The following OR6P1 variants were observed in gnomAD, a reference collection of about 807,000 sequenced individuals.
The protein encoded by OR6P1 is olfactory receptor family 6 subfamily P member 1.
A neutral mutation model predicts 6.6 loss-of-function variants in OR6P1; 5 were observed. The ratio of observed to expected loss-of-function variants is 0.76; its 90% CI spans 0.40 to 1.60. OR6P1 has a LOEUF of 1.60. Ranked by LOEUF, OR6P1 falls within the 40% of genes most tolerant of loss-of-function variation. OR6P1 has a pLI of 0.02. For synonymous variants in OR6P1, 177 were observed against 149.6 expected, an observed-to-expected ratio of 1.18 and a Z score of -1.33; for missense variants, 451 against 383.0, an observed-to-expected ratio of 1.18 and a Z score of -1.48.
intron 2 of OR6P1, among the ~76,000 whole-genome samples, chr1:158,566,142 TA>T (rs980679926): frequency 6.6e-6 from 1 of 152,114 alleles, no homozygotes; most frequent in African/African-American, 2.4e-5. Context: ...AAAAAAAAAT[TA>T]AAGAGAAGTG....
intron 1 of OR6P1, among the ~76,000 whole-genome samples, chr1:158,567,655 A>AG (rs977812173): frequency 1.2e-5 from 1 of 86,066 alleles, no homozygotes. Context: ...GGGTTGGGGG[A>AG]GGGGGGAGGG....
At position 158,563,274 on chromosome 1, in the gene OR6P1, C is replaced by T; in HGVS notation, c.331G>A (p.Glu111Lys). 6.4e-7 allele frequency: 1 copy of T among 1,551,582 alleles called. No individual in the cohort carries two copies. The highest frequency in any genetic ancestry group is 8.7e-7 in the Non-Finnish European group (1 of 1,146,994). Residue 111 changes from glutamate (E) to lysine (K), a missense_variant, in exon 3 of 3, where the codon GAA (glutamate) becomes AAA (lysine). By Grantham distance (56) the Glu-to-Lys change is moderately conservative. Coordinates refer to ENST00000641540, the MANE Select transcript of OR6P1 (RefSeq NM_001160325.2). ...GCCATAACTGCCAACAGCACACATT[C>T]AGTACAGGCTAAGGCAATAAAGAAG... is the stretch of plus-strand genomic sequence containing the variant. ...LYFFIALACTECVLLAVMAYD... is the reference protein window; with the variant it reads ...LYFFIALACTKCVLLAVMAYD...
Position 158,562,648 on chromosome 1 carries a change from A to G in OR6P1, c.*3T>C. On this transcript the variant is annotated 3_prime_UTR_variant, in exon 3 of 3. Transcript: ENST00000641540. ...TTTCACCTCTCCCAAGACCTGTTGT[A>G]TATCAGTCCTGAACATCCCTAGGAT... 1.3e-6 allele frequency: 2 copies of G among 1,524,628 alleles called. No homozygotes were observed. Among genetic ancestry groups the G allele is most frequent in the South Asian group, 2.4e-5 (2 of 83,536 alleles). 94.4% of individuals were successfully genotyped at this position (1,524,628 alleles called of 1,614,324 possible). A position where few individuals can be genotyped will look rare whatever the true frequency, so the allele number is the denominator to read the frequency against.
Position 158,560,991 on chromosome 1 carries a change from A to T in OR6P1, c.*1660T>A, listed in dbSNP as rs1317241285. ...TCTAGAGAACCAGAACTAGAAATTA[A>T]TCCAAGATCAAATTTATCCAAAAGG... On this transcript the variant is annotated 3_prime_UTR_variant, in exon 3 of 3. Coordinates refer to ENST00000641540, the MANE Select transcript of OR6P1 (RefSeq NM_001160325.2). The T allele has an allele frequency of 6.6e-6, 1 of 152,206 alleles. No homozygotes were observed. The highest frequency in any genetic ancestry group is 6.5e-5 in the Admixed American group (1 of 15,286). The allele number at this position is 152,206 out of a possible 1,614,324, so 9.4% of individuals were successfully genotyped here. A position where few individuals can be genotyped will look rare whatever the true frequency, so the allele number is the denominator to read the frequency against.
chr1:158,569,213 G>C (rs921495493), intron 1 of OR6P1, among the ~76,000 whole-genome samples: 7 of 152,162 alleles, frequency 4.6e-5, no homozygotes, highest in Non-Finnish European at 1.0e-4. Flanking sequence ...GCACATTGGT[G>C]ATACCATAGC....
chr1:158,563,726 TATTA>T, intron 2 of OR6P1, 100 bp from the exon 3 acceptor site: 1 of 615,598 alleles, frequency 1.6e-6, no homozygotes, highest in Non-Finnish European at 2.8e-6. Context: ...CTTAGTGGCA[TATTA>T]ATTATTATAA....
chr1:158,566,344 G>A (rs1311620060), intron 2 of OR6P1, among the ~76,000 whole-genome samples: 1 of 152,184 alleles, frequency 6.6e-6, no homozygotes. Context: ...ATACTTTTCG[G>A]AGTGAGAGTT....
chr1:158,563,242 A>T lies in OR6P1; in HGVS notation c.363T>A (p.Asp121Glu). Residue 121 changes from aspartate (D) to glutamate (E), a missense_variant, in exon 3 of 3, where the codon GAT becomes GAA. By Grantham distance (45) the Asp-to-Glu change is conservative. Transcript: ENST00000641540. ...GGGGTCCACAGATGGCCAGGTAGCG[A>T]TCATAGGCCATAACTGCCAACAGCA... ...ECVLLAVMAY[D>E]RYLAICGPLL... is the part of the protein sequence containing the mutation. 1 of 1,551,704 alleles carries T rather than the reference A, an allele frequency of 6.4e-7. No homozygotes were observed.
At chr1:158,570,028 G>T (rs1228280372) in intron 1 of OR6P1, among the ~76,000 whole-genome samples, 1 of 152,014 alleles carries the variant, frequency 6.6e-6, no homozygotes, top group Non-Finnish European at 1.5e-5. Flanking sequence ...AATATGATAG[G>T]TATTTCTTTG....
intron 1 of OR6P1, among the ~76,000 whole-genome samples, chr1:158,568,304 T>G (rs1186600557): frequency 1.3e-5 from 2 of 152,190 alleles, no homozygotes; most frequent in Non-Finnish European, 2.9e-5. Flanking sequence ...TCTTTCTTTT[T>G]GTTTCTTACT....
Position 158,562,565 on chromosome 1 carries a change from T to C in OR6P1, c.*86A>G, listed in dbSNP as rs1353209377. 6 of 740,882 alleles carry C rather than the reference T, an allele frequency of 8.1e-6. No individual in the cohort carries two copies. The highest frequency in any genetic ancestry group is 1.4e-5 in the Non-Finnish European group (6 of 437,010). The allele number at this position is 740,882 out of a possible 1,614,324, so 45.9% of individuals were successfully genotyped here. A position where few individuals can be genotyped will look rare whatever the true frequency, so the allele number is the denominator to read the frequency against. On this transcript the variant is annotated 3_prime_UTR_variant, in exon 3 of 3. Transcript: ENST00000641540. ...AGAGAAAATGTTGGCAAATTATATTTATGTTCCCTTAAAGCCTATTCTGAT... is the reference window on the plus strand; with the variant it reads ...AGAGAAAATGTTGGCAAATTATATTCATGTTCCCTTAAAGCCTATTCTGAT...
chr1:158,570,009 T>C (rs1231708608), intron 1 of OR6P1, among the ~76,000 whole-genome samples: 1 of 152,218 alleles, frequency 6.6e-6, no homozygotes, highest in Non-Finnish European at 1.5e-5. Flanking sequence ...AATTCGTAGA[T>C]ATAGACTTAA....
At chr1:158,567,706 G>A (rs528509220) in intron 1 of OR6P1, among the ~76,000 whole-genome samples, 15 of 150,460 alleles carry the variant, frequency 1.0e-4, no homozygotes, top group African/African-American at 3.2e-4. Context: ...TGACGAGTTA[G>A]TGGGTGCAGC....
chr1:158,563,232 C>T lies in OR6P1; in HGVS notation c.373G>A (p.Ala125Thr). 1 of 1,551,546 alleles carries T rather than the reference C, an allele frequency of 6.4e-7. No homozygotes were observed. Among genetic ancestry groups the T allele is most frequent in the South Asian group, 1.2e-5 (1 of 84,024 alleles). Residue 125 changes from alanine (A) to threonine (T), a missense_variant, in exon 3 of 3, where the codon GCC becomes ACC. Physicochemically the swap from Ala to Thr is moderately conservative, Grantham distance 58. Transcript: ENST00000641540. ...GGGTAAAGGAGGGGTCCACAGATGG[C>T]CAGGTAGCGATCATAGGCCATAACT... Reference protein sequence around the residue: ...LAVMAYDRYLAICGPLLYPSL... With the variant: ...LAVMAYDRYLTICGPLLYPSL...
chr1:158,563,663 G>GAT, intron 2 of OR6P1, 37 bp from the exon 3 acceptor site: 1 of 1,116,680 alleles, frequency 9.0e-7, no homozygotes, highest in South Asian at 1.5e-5. Context: ...AGGTTTGAAA[G>GAT]ATAGCTGCAA....
At position 158,562,412 on chromosome 1, in the gene OR6P1, G is replaced by A. The variant is rs114859461; in HGVS notation, c.*239C>T. ...AAGACTCTCCACATATTTTTTTGGG[G>A]GAATCTGTATTTTAACAAATTCCCA... is the stretch of plus-strand genomic sequence containing the variant. On this transcript the variant is annotated 3_prime_UTR_variant, in exon 3 of 3. Coordinates refer to ENST00000641540, the MANE Select transcript of OR6P1 (RefSeq NM_001160325.2). 5.8e-3 allele frequency: 2,778 copies of A among 481,742 alleles called. 82 individuals carry two copies. Among genetic ancestry groups the A allele is most frequent in the African/African-American group, 0.05 (2,540 of 50,864 alleles). The allele number at this position is 481,742 out of a possible 1,614,324, so 29.8% of individuals were successfully genotyped here.
At chr1:158,568,538 C>A (rs1432328867) in intron 1 of OR6P1, among the ~76,000 whole-genome samples, 1 of 152,176 alleles carries the variant, frequency 6.6e-6, no homozygotes, top group East Asian at 1.9e-4. Context: ...GTTGTATTTT[C>A]CCTCAGAACC....
chr1:158,562,548 T>A lies in OR6P1; in HGVS notation c.*103A>T. ...GGTCCCAGACAATATTTAGAGAAAA[T>A]GTTGGCAAATTATATTTATGTTCCC... On this transcript the variant is annotated 3_prime_UTR_variant, in exon 3 of 3. Transcript: ENST00000641540. 1.5e-6 allele frequency: 1 copy of A among 683,062 alleles called. No individual in the cohort carries two copies. Among genetic ancestry groups the A allele is most frequent in the Non-Finnish European group, 2.5e-6 (1 of 393,550 alleles). 42.3% of individuals were successfully genotyped at this position (683,062 alleles called of 1,614,324 possible).
chr1:158,561,390 A>G lies in OR6P1; in HGVS notation c.*1261T>C, dbSNP rs1421331732. 2 of 152,194 alleles carry G rather than the reference A, an allele frequency of 1.3e-5. No individual in the cohort carries two copies. The highest frequency in any genetic ancestry group is 4.8e-5 in the African/African-American group (2 of 41,442). The allele number at this position is 152,194 out of a possible 1,614,324, so 9.4% of individuals were successfully genotyped here. Reference sequence around the variant, plus strand: ...ATTGTTATTTTGTTTTTAATACTGGAAAATCTAAAATGATTGTTGATAAAG... The same window carrying G: ...ATTGTTATTTTGTTTTTAATACTGGGAAATCTAAAATGATTGTTGATAAAG... On this transcript the variant is annotated 3_prime_UTR_variant, in exon 3 of 3. Transcript: ENST00000641540.
Sources: allele counts gnomAD v4.1 joint callset (sites outside exome capture counted in the v4.1 genomes callset), GRCh38; gene constraint gnomAD v4.1.1; transcripts MANE v1.5; gene names NCBI Gene and HGNC (gene_info 2026-07-23, HGNC 2026-07-21).